MTM1: variants seen among roughly 807,000 people sequenced by gnomAD.
The protein encoded by MTM1 is myotubularin.
In MTM1, 9 loss-of-function variants were observed where a neutral mutation model predicts 52.1. The observed-to-expected ratio is 0.17, with a 90% CI of 0.10 to 0.30. The LOEUF is 0.30. MTM1 is among the 10% of genes least tolerant of loss of function. The probability of loss-of-function intolerance (pLI) is 1.00; values close to 1 mark genes in which losing one functional copy is unlikely to be tolerated. For synonymous variants in MTM1, 136 were observed against 163.8 expected (o/e 0.83, Z 1.29); for missense variants, 277 against 470.7 (o/e 0.59, Z 3.81).
chrX:150,570,484 T>C (rs1207848065), intron 1 of MTM1, among the ~76,000 whole-genome samples: 1 of 111,650 alleles, frequency 9.0e-6, no homozygotes, highest in African/African-American at 3.3e-5. Flanking sequence ...GATGGTAAGC[T>C]CATCCCAGCC....
chrX:150,666,233 G>C (rs2040301800), intron 14 of MTM1, among the ~76,000 whole-genome samples: 1 of 112,127 alleles, frequency 8.9e-6, no homozygotes, highest in Non-Finnish European at 1.9e-5. Flanking sequence ...TTCATTTCTT[G>C]TTGTCTTTGT....
chrX:150,666,514 C>T (rs1242282166), intron 14 of MTM1, among the ~76,000 whole-genome samples: 2 of 111,960 alleles, frequency 1.8e-5, no homozygotes, highest in African/African-American at 6.5e-5. Flanking sequence ...ACTCATATTT[C>T]AAAGGGAGGT....
chrX:150,574,982 T>C (rs1264579411), intron 1 of MTM1, among the ~76,000 whole-genome samples: 1 of 112,165 alleles, frequency 8.9e-6, no homozygotes, highest in African/African-American at 3.2e-5. Flanking sequence ...GAAGCAGTAA[T>C]ATCAGGATTT....
intron 10 of MTM1, 115 bp downstream of exon 10, chrX:150,650,016 G>T: frequency 1.6e-6 from 1 of 617,595 alleles, no homozygotes; most frequent in Non-Finnish European, 2.5e-6. Context: ...AAACTTTGTA[G>T]TAGAGGACCA....
rs938355452 is a variant in MTM1 at position 150,600,736 on chromosome X, A to G, written c.231+2050A>G. ...ATTCTGTATAGCTCCCAAGGGTCAAATTAGGATAGATTGAAAGATTTTATG... is the reference window on the plus strand; with the variant it reads ...ATTCTGTATAGCTCCCAAGGGTCAAGTTAGGATAGATTGAAAGATTTTATG... On this transcript the variant is annotated intron_variant, in intron 4 of 14. Coordinates refer to ENST00000370396, the MANE Select transcript of MTM1 (RefSeq NM_000252.3). Among the ~76,000 whole-genome samples the G allele has an allele frequency of 5.3e-5, 6 of 112,308 alleles. No homozygotes were observed. The South Asian group carries it at 2.2e-3, about 41-fold the overall frequency.
chrX:150,585,469 CTATT>C (rs1557412212), intron 1 of MTM1, among the ~76,000 whole-genome samples: 1 of 112,490 alleles, frequency 8.9e-6, no homozygotes, highest in East Asian at 2.8e-4. Flanking sequence ...ATAGTTATAA[CTATT>C]TATACGTTTC....
At chrX:150,657,514 GC>G (rs1206755663) in intron 10 of MTM1, among the ~76,000 whole-genome samples, 1 of 108,185 alleles carries the variant, frequency 9.2e-6, no homozygotes, top group Non-Finnish European at 1.9e-5. Flanking sequence ...TATACCTAAT[GC>G]TAAATGACGA....
rs1882709 is a variant in MTM1 at position 150,595,744 on chromosome X, C to T, written c.64-754C>T. On this transcript the variant is annotated intron_variant, in intron 2 of 14. Transcript: ENST00000370396. ...GGTAGCTATGGCAAATTAGGCTCTGCGAACTCGCCTGCAGGTTGTAGTGGT... is the reference window on the plus strand; with the variant it reads ...GGTAGCTATGGCAAATTAGGCTCTGTGAACTCGCCTGCAGGTTGTAGTGGT... 7.9e-3 allele frequency among the ~76,000 whole-genome samples: 885 copies of T among 112,502 alleles called. 8 individuals carry two copies. The highest frequency in any genetic ancestry group is 0.027 in the African/African-American group (829 of 30,940).
intron 2 of MTM1, 34 bp downstream of exon 2, chrX:150,592,711 C>T: frequency 1.0e-6 from 1 of 959,708 alleles, no homozygotes; most frequent in Non-Finnish European, 1.5e-6. Flanking sequence ...CTGTCTCTTT[C>T]CTTGCATTTA....
At chrX:150,647,550 T>C (rs1035440375) in intron 9 of MTM1, among the ~76,000 whole-genome samples, 1 of 111,968 alleles carries the variant, frequency 8.9e-6, no homozygotes, top group Admixed American at 9.5e-5. Flanking sequence ...AACAGGCCCG[T>C]AGACCTTTAC....
Position 150,636,247 on chromosome X carries a change from C to CA in MTM1, c.445-2687dup, listed in dbSNP as rs1165302341. On this transcript the variant is annotated intron_variant, in intron 6 of 14. Coordinates refer to ENST00000370396, the MANE Select transcript of MTM1 (RefSeq NM_000252.3). The stretch of plus-strand genomic sequence containing the variant: ...CATTGTCTCAGTCTCATACTAATGA[C>CA]AAAAAAAAATTGATGTTGCTTCTGT... 5.5e-5 allele frequency among the ~76,000 whole-genome samples: 6 copies of CA among 109,227 alleles called. No individual in the cohort carries two copies. The South Asian group carries it at 1.2e-3, about 21-fold the overall frequency. 94.9% of individuals were successfully genotyped at this position (109,227 alleles called of 115,157 possible). A position where few individuals can be genotyped will look rare whatever the true frequency, so the allele number is the denominator to read the frequency against.
At position 150,569,377 on chromosome X, in the gene MTM1, G is replaced by A. The variant is rs782020236; in HGVS notation, c.-11+715G>A. Among the ~76,000 whole-genome samples, 12 of 113,319 alleles carry A rather than the reference G, an allele frequency of 1.1e-4. No homozygotes were observed. In the South Asian group the frequency reaches 3.9e-3, roughly 37 times the overall value. ...CTAATTTTAGTATTTGCCTAAGCAA[G>A]TAAGAAGTGAATCTGCTGCAAAAAT... On this transcript the variant is annotated intron_variant, in intron 1 of 14. Transcript: ENST00000370396.
At chrX:150,627,631 T>C (rs2039592738) in intron 6 of MTM1, among the ~76,000 whole-genome samples, 1 of 112,069 alleles carries the variant, frequency 8.9e-6, no homozygotes, top group African/African-American at 3.3e-5. Flanking sequence ...ATGATTACAA[T>C]ACCCGAAGTC....
intron 4 of MTM1, among the ~76,000 whole-genome samples, chrX:150,610,671 T>C (rs1557412965): frequency 1.8e-5 from 2 of 111,848 alleles, no homozygotes; most frequent in Admixed American, 1.9e-4. Flanking sequence ...TCAGGGAGAA[T>C]GTAGCAAGTA....
intron 1 of MTM1, among the ~76,000 whole-genome samples, chrX:150,588,799 A>G (rs1557412367): frequency 8.9e-6 from 1 of 111,873 alleles, no homozygotes. Flanking sequence ...CAGTATATAC[A>G]CTTAAATTTG....
At chrX:150,593,303 G>C (rs2038918919) in intron 2 of MTM1, among the ~76,000 whole-genome samples, 1 of 112,629 alleles carries the variant, frequency 8.9e-6, no homozygotes, top group Non-Finnish European at 1.9e-5. Context: ...AAAGGTTGCT[G>C]AAGGACATAC....
intron 14 of MTM1, among the ~76,000 whole-genome samples, chrX:150,668,897 T>C (rs912396180): frequency 2.7e-5 from 3 of 109,852 alleles, no homozygotes; most frequent in Non-Finnish European, 5.7e-5. Flanking sequence ...TTTTTTCTTT[T>C]TTTTTCTTTT....
intron 1 of MTM1, among the ~76,000 whole-genome samples, chrX:150,592,057 C>T (rs1375235260): frequency 8.9e-6 from 1 of 112,361 alleles, no homozygotes; most frequent in African/African-American, 3.2e-5. Context: ...GAAGTATATA[C>T]TTTCCCTAGA....
intron 7 of MTM1, among the ~76,000 whole-genome samples, 163 bp downstream of exon 7, chrX:150,639,189 C>G (rs1281377519): frequency 8.9e-6 from 1 of 112,333 alleles, no homozygotes; most frequent in Non-Finnish European, 1.9e-5. Flanking sequence ...CTCATTCTAT[C>G]TATTACTGTA....
Sources: gnomAD v4.1 joint callset for allele counts (sites outside exome capture counted in the v4.1 genomes callset) on GRCh38, gnomAD v4.1.1 for gene constraint, MANE v1.5 for transcripts, NCBI Gene and HGNC (gene_info 2026-07-23, HGNC 2026-07-21) for gene names.